The following LRRC4C variants were observed in gnomAD, a reference collection of about 807,000 sequenced individuals.
The protein encoded by LRRC4C is leucine rich repeat containing 4C.
LRRC4C carries 5 observed loss-of-function variants against 33.6 expected under a neutral mutation model. That is an observed-to-expected ratio of 0.15 (90% CI 0.08 to 0.31). The LOEUF (loss-of-function observed/expected upper bound fraction) is 0.31. Among genes scored for constraint, LRRC4C ranks in the 10% least tolerant of loss-of-function variants. The probability of loss-of-function intolerance (pLI) is 1.00; values close to 1 mark genes in which losing one functional copy is unlikely to be tolerated. For synonymous variants in LRRC4C, 329 were observed against 302.0 expected (o/e 1.09, Z -0.93); for missense variants, 560 against 796.7 (o/e 0.70, Z 3.58).
At chr11:40,843,233 C>T (rs1952995779) in intron 2 of LRRC4C, among the ~76,000 whole-genome samples, 1 of 152,108 alleles carries the variant, frequency 6.6e-6, no homozygotes, top group Non-Finnish European at 1.5e-5. Context: ...TATTATTATT[C>T]TCATTTTCAT....
At chr11:41,376,492 T>C (rs1418152786) in intron 1 of LRRC4C, among the ~76,000 whole-genome samples, 5 of 152,094 alleles carry the variant, frequency 3.3e-5, no homozygotes, top group African/African-American at 4.8e-5. Context: ...TTATCCTATC[T>C]CCAACAGAAA....
chr11:41,211,516 TC>T, intron 1 of LRRC4C, among the ~76,000 whole-genome samples: 1 of 152,168 alleles, frequency 6.6e-6, no homozygotes, highest in South Asian at 2.1e-4. Context: ...TGTGTGATGT[TC>T]CCCTTCCTGT....
intron 2 of LRRC4C, among the ~76,000 whole-genome samples, chr11:40,697,340 G>A (rs751308467): frequency 2.6e-5 from 4 of 152,048 alleles, no homozygotes; most frequent in East Asian, 1.9e-4. Context: ...GACTCAAAGC[G>A]CAAGGAGGCT....
intron 5 of LRRC4C, among the ~76,000 whole-genome samples, chr11:40,207,027 C>A (rs1863210902): frequency 6.6e-6 from 1 of 152,122 alleles, no homozygotes; most frequent in Admixed American, 6.5e-5. Flanking sequence ...GTGATGGCAG[C>A]CCTCCATACA....
chr11:41,261,964 A>G (rs1021862180), intron 1 of LRRC4C, among the ~76,000 whole-genome samples: 7 of 152,072 alleles, frequency 4.6e-5, no homozygotes, highest in African/African-American at 1.7e-4. Flanking sequence ...AAGGAGAGAA[A>G]AATCTTCATT....
intron 1 of LRRC4C, among the ~76,000 whole-genome samples, chr11:41,242,487 T>A (rs1255027158): frequency 6.6e-6 from 1 of 152,096 alleles, no homozygotes; most frequent in Non-Finnish European, 1.5e-5. Flanking sequence ...CAGAAACACC[T>A]AGAGGGTTAT....
At chr11:40,726,768 A>G (rs1409771473) in intron 2 of LRRC4C, among the ~76,000 whole-genome samples, 1 of 152,160 alleles carries the variant, frequency 6.6e-6, no homozygotes, top group Non-Finnish European at 1.5e-5. Flanking sequence ...GTAATCAAAC[A>G]AGAGAAAGAA....
chr11:40,742,592 C>T (rs187464120), intron 2 of LRRC4C, among the ~76,000 whole-genome samples: 155 of 152,018 alleles, frequency 1.0e-3, no homozygotes, highest in South Asian at 2.1e-3. Context: ...ACTAAGAAAA[C>T]GATCATTTGC....
At chr11:41,015,584 G>A (rs1462623058) in intron 1 of LRRC4C, among the ~76,000 whole-genome samples, 1 of 152,136 alleles carries the variant, frequency 6.6e-6, no homozygotes, top group East Asian at 1.9e-4. Flanking sequence ...AAAGTGCTAG[G>A]ATTACAGGCG....
intron 6 of LRRC4C, among the ~76,000 whole-genome samples, chr11:40,132,599 T>C (rs1590464928): frequency 6.6e-6 from 1 of 152,306 alleles, no homozygotes; most frequent in African/African-American, 2.4e-5. Flanking sequence ...TTGATGTTTA[T>C]CTCTTAGGGT....
At chr11:41,005,352 C>T (rs1854666964) in intron 1 of LRRC4C, among the ~76,000 whole-genome samples, 1 of 152,094 alleles carries the variant, frequency 6.6e-6, no homozygotes, top group South Asian at 2.1e-4. Flanking sequence ...GCCTATAATC[C>T]CAGCACTTTG....
rs181660534 is a variant in LRRC4C at position 41,393,401 on chromosome 11, A to C, written c.-496+66030T>G. ...GAGCTTTGTGAAAGTATCTTAGGGA[A>C]GGTTCTCAAAGGTGGCTGACTTTGA... On this transcript the variant is annotated intron_variant, in intron 1 of 6. Transcript: ENST00000528697. 5.6e-3 allele frequency among the ~76,000 whole-genome samples: 854 copies of C among 151,878 alleles called. 7 individuals carry two copies. The highest frequency in any genetic ancestry group is 0.02 in the African/African-American group (824 of 41,462).
At chr11:41,364,342 G>A (rs539362590) in intron 1 of LRRC4C, among the ~76,000 whole-genome samples, 3 of 152,136 alleles carry the variant, frequency 2.0e-5, no homozygotes, top group South Asian at 4.2e-4. Context: ...GCAATGGTGC[G>A]ATCTAGGCTC....
chr11:40,594,223 C>T (rs1316447220), intron 3 of LRRC4C, among the ~76,000 whole-genome samples: 1 of 152,202 alleles, frequency 6.6e-6, no homozygotes, highest in Non-Finnish European at 1.5e-5. Context: ...CTAGAAGGAG[C>T]TAATGTTTGT....
At chr11:41,292,392 A>G (rs189909430) in intron 1 of LRRC4C, among the ~76,000 whole-genome samples, 1 of 151,312 alleles carries the variant, frequency 6.6e-6, no homozygotes, top group East Asian at 1.9e-4. Context: ...ACAGATAACA[A>G]TAAACAGCAG....
At chr11:41,420,821 C>G (rs1209256791) in intron 1 of LRRC4C, among the ~76,000 whole-genome samples, 1 of 151,954 alleles carries the variant, frequency 6.6e-6, no homozygotes, top group Non-Finnish European at 1.5e-5. Flanking sequence ...TTAACTAAAA[C>G]AGTAACATGA....
Position 40,353,875 on chromosome 11 carries a change from G to T in LRRC4C, c.-269-34154C>A, listed in dbSNP as rs190233002. ...CACCTTATTTATTTCATTCAGTGAG[G>T]TCATGTTTTCCTGGATGGTCTTCAT... On this transcript the variant is annotated intron_variant, in intron 3 of 6. Transcript: ENST00000528697. 3.4e-3 allele frequency among the ~76,000 whole-genome samples: 516 copies of T among 152,204 alleles called. 2 individuals are homozygous for T. The highest frequency in any genetic ancestry group is 5.6e-3 in the Non-Finnish European group (382 of 68,022).
chr11:40,386,675 A>G (rs1403513089), intron 3 of LRRC4C, among the ~76,000 whole-genome samples: 1 of 152,080 alleles, frequency 6.6e-6, no homozygotes, highest in Non-Finnish European at 1.5e-5. Context: ...TCTCTTTTCT[A>G]GCTTTCTTCG....
intron 3 of LRRC4C, among the ~76,000 whole-genome samples, chr11:40,364,560 C>A (rs973908428): frequency 2.0e-5 from 3 of 151,878 alleles, no homozygotes; most frequent in Non-Finnish European, 4.4e-5. Context: ...AGCAAGCAAA[C>A]GGAATACAAA....
Sources: allele counts gnomAD v4.1 joint callset (sites outside exome capture counted in the v4.1 genomes callset), GRCh38; gene constraint gnomAD v4.1.1; transcripts MANE v1.5; gene names NCBI Gene and HGNC (gene_info 2026-07-23, HGNC 2026-07-21).